ABCA8: variants seen among roughly 807,000 people sequenced by gnomAD.
ABCA8 encodes ABC-type organic anion transporter ABCA8.
In ABCA8, 177 loss-of-function variants were observed where a neutral mutation model predicts 192.3. The observed-to-expected ratio is 0.92, with a 90% confidence interval of 0.81 to 1.04. ABCA8 has a LOEUF of 1.04. Among genes scored for constraint, ABCA8 ranks in the 50% least tolerant of loss-of-function variants. The pLI, the probability that ABCA8 is intolerant of heterozygous loss-of-function variation, is 0.00. For missense variants in ABCA8, 1,915 were observed against 1,904.8 expected (o/e 1.01, Z -0.10); for synonymous variants, 642 against 690.2 (o/e 0.93, Z 1.09).
chr17:68,882,390 T>C (rs1246380476), intron 30 of ABCA8, among the ~76,000 whole-genome samples: 3 of 152,248 alleles, frequency 2.0e-5, no homozygotes, highest in Non-Finnish European at 4.4e-5. Context: ...AATTCTTTCT[T>C]GGCTTTAATA....
At chr17:68,890,465 G>A (rs1255869772) in intron 24 of ABCA8, among the ~76,000 whole-genome samples, 1 of 151,934 alleles carries the variant, frequency 6.6e-6, no homozygotes, top group Non-Finnish European at 1.5e-5. Flanking sequence ...TATAAGTATA[G>A]TTAATATTTT....
Position 68,911,679 on chromosome 17 carries a change from G to C in ABCA8, c.2139-3800C>G, listed in dbSNP as rs567139326. ...AGATCTGACCCAGCATAATCCTAGTGGTGGTGGCCACAGGGGTGCTTGTGT... is the reference window on the plus strand; with the variant it reads ...AGATCTGACCCAGCATAATCCTAGTCGTGGTGGCCACAGGGGTGCTTGTGT... On this transcript the variant is annotated intron_variant, in intron 17 of 39. Transcript: ENST00000586539. This position sits in a 1 kb window ranked among gnomAD's most constrained non-coding sequence, Gnocchi z 5.7. Among the ~76,000 whole-genome samples, 2 of 151,908 alleles carry C rather than the reference G, an allele frequency of 1.3e-5. No homozygotes were observed. Among genetic ancestry groups the C allele is most frequent in the East Asian group, 3.9e-4 (2 of 5,148 alleles).
chr17:68,868,311 G>A lies in ABCA8; in HGVS notation c.4757C>T (p.Thr1586Ile), dbSNP rs1313440143. 3 of 1,613,704 alleles carry A rather than the reference G, an allele frequency of 1.9e-6. No individual in the cohort carries two copies. Among genetic ancestry groups the A allele is most frequent in the Admixed American group, 3.3e-5 (2 of 59,970 alleles). The change falls in exon 39 of 40, where the codon ACC (threonine) becomes ATC (isoleucine). Residue 1586 changes from threonine to isoleucine, a missense_variant. Physicochemically the swap from Thr to Ile is moderately conservative, Grantham distance 89 (BLOSUM62 -1). Transcript: ENST00000586539. ...DLEEYSLSQS[T>I]LEQVFLELSK... is the part of the protein sequence containing the mutation. ...CTAAAAATGACCCACCTGCTCCAGG[G>A]TAGACTGTGAGAGGCTGTACTCCTC...
chr17:68,917,324 C>T (rs1413254347), intron 17 of ABCA8, 37 bp downstream of exon 17: 1 of 1,303,626 alleles, frequency 7.7e-7, no homozygotes, highest in South Asian at 1.3e-5. Flanking sequence ...TCAAGCCTTA[C>T]ACTAGATCTA....
intron 29 of ABCA8, 33 bp downstream of exon 29, chr17:68,883,758 A>G: frequency 7.4e-7 from 1 of 1,356,324 alleles, no homozygotes; most frequent in Non-Finnish European, 1.0e-6. Flanking sequence ...GATATTGATC[A>G]ACAAAATAAA....
intron 17 of ABCA8, among the ~76,000 whole-genome samples, chr17:68,908,975 T>C (rs1195394618): frequency 1.3e-5 from 2 of 152,234 alleles, no homozygotes; most frequent in Non-Finnish European, 2.9e-5. Flanking sequence ...ATTATTCCAC[T>C]GACACATAAG....
chr17:68,929,499 G>T, intron 8 of ABCA8, 62 bp downstream of exon 8: 1 of 1,536,518 alleles, frequency 6.5e-7, no homozygotes. Flanking sequence ...AGAGTAATCA[G>T]TCGGAAACAA....
rs2066963949 is a variant in ABCA8 at position 68,903,351 on chromosome 17, T to TG, written c.2546dup (p.Arg850LysfsTer10). On this transcript the variant is annotated frameshift_variant, in exon 20 of 40. Coordinates refer to ENST00000586539, the MANE Select transcript of ABCA8 (RefSeq NM_001288985.2). LOFTEE classifies it high-confidence loss of function. ...GCTTTAACTTTAACAAGCGAACCCTTGCAATTGCGCAGATTTGCTGTCGCC... is the reference window on the plus strand; with the variant it reads ...GCTTTAACTTTAACAAGCGAACCCTTGGCAATTGCGCAGATTTGCTGTCGCC... 1 of 1,614,112 alleles carries TG rather than the reference T, an allele frequency of 6.2e-7. No individual in the cohort carries two copies. The highest frequency in any genetic ancestry group is 8.5e-7 in the Non-Finnish European group (1 of 1,180,036).
In ABCA8 at chr17:68,885,274, G is replaced by A. The variant is rs780777297; in HGVS notation, c.3471C>T (p.Phe1157=). The change falls in exon 27 of 40, where the codon TTC becomes TTT. Residue 1157 remains phenylalanine, a synonymous_variant. Coordinates refer to ENST00000586539, the MANE Select transcript of ABCA8 (RefSeq NM_001288985.2). The stretch of plus-strand genomic sequence containing the variant: ...TGAAGATAAATGGAATATCACTTTC[G>A]AAGATACTGAACGCAAATCCAGCCA... ...FSVAGFAFSI[F]ESDIPFIFTF... 2.1e-5 allele frequency: 34 copies of A among 1,612,706 alleles called. 1 individual carries two copies. The highest frequency in any genetic ancestry group is 2.0e-4 in the South Asian group (18 of 90,878).
At chr17:68,918,930 C>T (rs186861659) in intron 14 of ABCA8, among the ~76,000 whole-genome samples, 1 of 45,954 alleles carries the variant, frequency 2.2e-5, no homozygotes, top group African/African-American at 7.7e-5. Context: ...AACTCTGTCT[C>T]AAAAAAAAAA....
At chr17:68,947,605 T>C (rs1162268940) in intron 2 of ABCA8, among the ~76,000 whole-genome samples, 2 of 152,226 alleles carry the variant, frequency 1.3e-5, no homozygotes, top group African/African-American at 2.4e-5. Context: ...TAAATTATCA[T>C]TGCTGTTAAC....
At chr17:68,892,580 T>A (rs1308989793) in intron 23 of ABCA8, among the ~76,000 whole-genome samples, 2 of 152,202 alleles carry the variant, frequency 1.3e-5, no homozygotes, top group Non-Finnish European at 2.9e-5. Flanking sequence ...AAACAGGATA[T>A]CTTGATAGAT....
At chr17:68,904,506 C>T (rs2067010801) in intron 19 of ABCA8, among the ~76,000 whole-genome samples, 1 of 151,786 alleles carries the variant, frequency 6.6e-6, no homozygotes, top group Non-Finnish European at 1.5e-5. Flanking sequence ...GAGAAGATTC[C>T]TGTGGAAGCT....
At chr17:68,913,319 T>G (rs1218903983) in intron 17 of ABCA8, among the ~76,000 whole-genome samples, 3 of 151,636 alleles carry the variant, frequency 2.0e-5, no homozygotes, top group Admixed American at 1.3e-4. Flanking sequence ...ACAAACAACC[T>G]AACGACACTT....
At chr17:68,894,385 G>T in intron 22 of ABCA8, 75 bp from the exon 23 acceptor site, 2 of 1,306,808 alleles carry the variant, frequency 1.5e-6, no homozygotes, top group Non-Finnish European at 2.1e-6. Flanking sequence ...AATTTGACAT[G>T]TTAAATTAAG....
rs917149349 is a variant in ABCA8 at position 68,887,469 on chromosome 17, G to A, written c.3182C>T (p.Ser1061Phe). Residue 1061 changes from serine (S) to phenylalanine (F), a missense_variant, in exon 25 of 40, where the codon TCC (serine) becomes TTC (phenylalanine). Transcript: ENST00000586539. ...ARSQLRISGL[S>F]PSAYWFGQAL... ...CTGCCCAAACCAGTAAGCAGAAGGG[G>A]AGAGTCCGGAAATCCGTAGCTGGGA... 2.5e-6 allele frequency: 4 copies of A among 1,613,040 alleles called. No homozygotes were observed. In the Admixed American group the frequency reaches 6.7e-5, roughly 27 times the overall value.
intron 9 of ABCA8, among the ~76,000 whole-genome samples, chr17:68,928,365 T>C (rs1357708073): frequency 6.6e-6 from 1 of 152,194 alleles, no homozygotes; most frequent in African/African-American, 2.4e-5. Context: ...AGATGAACTT[T>C]TACCAAATAG....
chr17:68,892,766 T>C (rs1262309020), intron 23 of ABCA8, among the ~76,000 whole-genome samples: 2 of 152,190 alleles, frequency 1.3e-5, no homozygotes, highest in African/African-American at 2.4e-5. Flanking sequence ...TTCTCGCACA[T>C]CCTTAATGAA....
At position 68,881,864 on chromosome 17, in the gene ABCA8, T is replaced by C; in HGVS notation, c.3945A>G (p.Lys1315=). The change falls in exon 31 of 40, where the codon AAA becomes AAG. Residue 1315 remains lysine (K), a splice_region_variant and synonymous_variant. Transcript: ENST00000586539. ...AAGTGGAAGATCCCTATGGCCAACCTTTTCTAACACAGAAGGAGACATTTC... is the reference window on the plus strand; with the variant it reads ...AAGTGGAAGATCCCTATGGCCAACCCTTTCTAACACAGAAGGAGACATTTC... ...ATRNVSFCVR[K]GEVLGLLGHN... The C allele has an allele frequency of 1.2e-6, 2 of 1,612,706 alleles. No homozygotes were observed. Among genetic ancestry groups the C allele is most frequent in the South Asian group, 1.1e-5 (1 of 91,002 alleles).
Sources: gnomAD v4.1 joint callset for allele counts (sites outside exome capture counted in the v4.1 genomes callset) on GRCh38, gnomAD v4.1.1 for gene constraint, Gnocchi (gnomAD v3.1) non-coding constraint, MANE v1.5 for transcripts, NCBI Gene and HGNC (gene_info 2026-07-23, HGNC 2026-07-21) for gene names.